Variants in S100Z observed in about 807,000 individuals in gnomAD.
S100Z encodes S100 calcium binding protein Z.
S100Z carries 11 observed loss-of-function variants against 8.5 expected under a neutral mutation model. The observed-to-expected ratio is 1.30, with a 90% CI of 0.82 to 2.15. The LOEUF (loss-of-function observed/expected upper bound fraction) is 2.15, where lower values mean the gene tolerates loss of function less well. Ranked by LOEUF, S100Z falls within the 30% of genes most tolerant of loss-of-function variation. S100Z has a pLI of 0.00. For synonymous variants in S100Z, 34 were observed against 43.8 expected (o/e 0.78, Z 0.89); for missense variants, 126 against 117.9 (o/e 1.07, Z -0.32).
chr5:76,865,728 G>A (rs62363082), intron 1 of S100Z, among the ~76,000 whole-genome samples: 30,360 of 151,686 alleles, frequency 0.2, 3,239 homozygotes, highest in African/African-American at 0.26. Context: ...AAGCTAGAAT[G>A]TTGGCTGGGC....
chr5:76,852,275 TA>T (rs539833935), intron 1 of S100Z, among the ~76,000 whole-genome samples: 2 of 151,930 alleles, frequency 1.3e-5, no homozygotes, highest in Admixed American at 6.6e-5. Flanking sequence ...TCAAATGTAA[TA>T]AAAAAAATTA....
At chr5:76,854,374 T>C (rs1320805303) in intron 1 of S100Z, among the ~76,000 whole-genome samples, 1 of 152,134 alleles carries the variant, frequency 6.6e-6, no homozygotes, top group African/African-American at 2.4e-5. Flanking sequence ...GATAGTAATA[T>C]GGACAGGGAA....
the S100Z span, among the ~76,000 whole-genome samples, chr5:76,939,843 G>A: frequency 6.6e-6 from 1 of 151,690 alleles, no homozygotes; most frequent in Non-Finnish European, 1.5e-5. Flanking sequence ...TTTAAAATTG[G>A]CACGTCTGAC....
the S100Z span, chr5:76,952,718 G>C: frequency 1.7e-5 from 3 of 181,654 alleles, no homozygotes; most frequent in African/African-American, 7.0e-5. Flanking sequence ...TTGTCACTTT[G>C]ATTTGCAAAA....
In S100Z at chr5:76,863,753, T is replaced by C. The variant is rs867948751; in HGVS notation, c.-175-6413T>C. The stretch of plus-strand genomic sequence containing the variant: ...CGGGGTTTCACCGTGTTAGCCAGGA[T>C]GGTCTCGATCTCCTGACCTTGTGAT... On this transcript the variant is annotated intron_variant, in intron 1 of 4. Transcript: ENST00000317593. Among the ~76,000 whole-genome samples the C allele has an allele frequency of 4.2e-4, 64 of 152,202 alleles. 1 individual carries two copies. Among genetic ancestry groups the C allele is most frequent in the African/African-American group, 3.9e-4 (16 of 41,496 alleles).
intron 4 of S100Z, among the ~76,000 whole-genome samples, chr5:76,913,390 C>G (rs1236602771): frequency 6.6e-6 from 1 of 152,222 alleles, no homozygotes; most frequent in Non-Finnish European, 1.5e-5. Context: ...CTTGTAAAAT[C>G]AGAGTTAGGA....
At chr5:76,906,991 T>TATATATATATATATATATATATATATAC (rs1744466844) in intron 4 of S100Z, among the ~76,000 whole-genome samples, 1 of 23,560 alleles carries the variant, frequency 4.2e-5, no homozygotes, top group Non-Finnish European at 1.5e-4. Flanking sequence ...TATATATATA[T>TATATATATATATATATATATATATATAC]ATATATATAT....
chr5:76,896,188 C>T (rs931456398), intron 4 of S100Z, among the ~76,000 whole-genome samples: 2 of 152,176 alleles, frequency 1.3e-5, no homozygotes, highest in Non-Finnish European at 2.9e-5. Context: ...CAACCCCCTG[C>T]TACCCTTCCC....
rs368357667 is a variant in S100Z, at chr5:76,869,095, T to G, written c.-175-1071T>G. Among the ~76,000 whole-genome samples the G allele has an allele frequency of 5.9e-5, 9 of 152,372 alleles. No homozygotes were observed. The East Asian group carries it at 9.6e-4, about 16-fold the overall frequency. ...TATGTTTCCCTCTCTGATTGATTTG[T>G]TTATGAATTCATCCATCAGTGAGGA... On this transcript the variant is annotated intron_variant, in intron 1 of 4. Transcript: ENST00000317593.
At chr5:76,873,914 T>G (rs1188596608) in intron 2 of S100Z, among the ~76,000 whole-genome samples, 1 of 152,246 alleles carries the variant, frequency 6.6e-6, no homozygotes, top group Non-Finnish European at 1.5e-5. Flanking sequence ...CACACACAGC[T>G]GCTCTGAGGT....
At chr5:76,863,837 C>T (rs912095818) in intron 1 of S100Z, among the ~76,000 whole-genome samples, 1 of 152,156 alleles carries the variant, frequency 6.6e-6, no homozygotes, top group Admixed American at 6.6e-5. Flanking sequence ...TGCGCCCGGC[C>T]AATTATATTA....
chr5:76,869,254 A>G (rs1297016851), intron 1 of S100Z, among the ~76,000 whole-genome samples: 1 of 152,184 alleles, frequency 6.6e-6, no homozygotes, highest in African/African-American at 2.4e-5. Context: ...ACAAAAAAAA[A>G]CGTGATGTTG....
chr5:76,899,397 T>A (rs922175400), intron 4 of S100Z, among the ~76,000 whole-genome samples: 6 of 152,116 alleles, frequency 3.9e-5, no homozygotes, highest in African/African-American at 1.4e-4. Flanking sequence ...TATTTTTTTT[T>A]TTTTGGTTTT....
At chr5:76,914,685 C>T (rs1744794143) in intron 4 of S100Z, among the ~76,000 whole-genome samples, 1 of 152,062 alleles carries the variant, frequency 6.6e-6, no homozygotes, top group South Asian at 2.1e-4. Flanking sequence ...CAACTCCAGA[C>T]GTGCCACCTT....
chr5:76,853,037 G>A (rs183937486), intron 1 of S100Z, among the ~76,000 whole-genome samples: 11 of 152,280 alleles, frequency 7.2e-5, no homozygotes, highest in Admixed American at 5.2e-4. Flanking sequence ...TCCCAGAGTC[G>A]ATTCAAGTCT....
chr5:76,851,073 CA>C (rs1190892782), intron 1 of S100Z, among the ~76,000 whole-genome samples: 3 of 152,234 alleles, frequency 2.0e-5, no homozygotes, highest in Non-Finnish European at 4.4e-5. Flanking sequence ...TATTTTCCTT[CA>C]ACCCAGTGCC....
At chr5:76,858,437 C>T (rs1047891356) in intron 1 of S100Z, among the ~76,000 whole-genome samples, 6 of 151,910 alleles carry the variant, frequency 3.9e-5, no homozygotes, top group Non-Finnish European at 8.8e-5. Context: ...ACAGGAGGAT[C>T]GCTTGAACCT....
At chr5:76,935,339 A>G in the S100Z span, among the ~76,000 whole-genome samples, 1 of 152,218 alleles carries the variant, frequency 6.6e-6, no homozygotes, top group Non-Finnish European at 1.5e-5. Context: ...AGGTGACAAT[A>G]TGGAATTAAT....
chr5:76,897,374 C>T (rs958968487), intron 4 of S100Z, among the ~76,000 whole-genome samples: 6 of 151,552 alleles, frequency 4.0e-5, no homozygotes, highest in South Asian at 2.1e-4. Context: ...ACCCAGGAGG[C>T]GGAGCTTGCA....
Sources: allele counts gnomAD v4.1 joint callset (sites outside exome capture counted in the v4.1 genomes callset), GRCh38; gene constraint gnomAD v4.1.1; transcripts MANE v1.5; gene names NCBI Gene and HGNC (gene_info 2026-07-23, HGNC 2026-07-21).